The following ARHGEF12 variants were observed in gnomAD, a reference collection of about 807,000 sequenced individuals.
The protein encoded by ARHGEF12 is KMT2A/ARHGEF12 fusion protein.
In ARHGEF12, 66 loss-of-function variants were observed where a neutral mutation model predicts 211.2. That is an observed-to-expected ratio of 0.31 (90% CI 0.26 to 0.38). The LOEUF is 0.38. ARHGEF12 is among the 10% of genes least tolerant of loss of function. ARHGEF12 has a pLI of 1.00. For synonymous variants in ARHGEF12, 592 were observed against 638.4 expected, an observed-to-expected ratio of 0.93 and a Z score of 1.09; for missense variants, 1,429 against 1,869.5, an observed-to-expected ratio of 0.76 and a Z score of 4.34.
At position 120,451,736 on chromosome 11, in the gene ARHGEF12, C is replaced by G. The variant is rs775015364; in HGVS notation, c.2056+12C>G. On this transcript the variant is annotated intron_variant, in intron 22 of 40. Transcript: ENST00000397843. ...AGAGAATGATACAGGTGAGCTATTA[C>G]TGTAGTTCAGCTTAACTAAGCATCA... 35 of 1,607,406 alleles carry G rather than the reference C, an allele frequency of 2.2e-5. No homozygotes were observed. Among genetic ancestry groups the G allele is most frequent in the South Asian group, 1.0e-4 (9 of 90,388 alleles).
chr11:120,410,056 C>T (rs919105894), intron 4 of ARHGEF12: 2 of 152,070 alleles, frequency 1.3e-5, no homozygotes, highest in Non-Finnish European at 2.9e-5. Context: ...GAAGCTTAAT[C>T]GGAATGGGAA....
chr11:120,407,177 G>T (rs1247668935), intron 2 of ARHGEF12, among the ~76,000 whole-genome samples: 1 of 152,150 alleles, frequency 6.6e-6, no homozygotes. Flanking sequence ...ACCATTATCT[G>T]ATCAGTGTAA....
chr11:120,454,056 C>T (rs1946288980), intron 22 of ARHGEF12, among the ~76,000 whole-genome samples: 1 of 152,082 alleles, frequency 6.6e-6, no homozygotes, highest in African/African-American at 2.4e-5. Flanking sequence ...AGTCCCTCCG[C>T]AGTATTGATC....
Position 120,473,010 on chromosome 11 carries a change from C to T in ARHGEF12, c.2956-40C>T, listed in dbSNP as rs557330089. ...TCAGAAATAGAGAGGTCATTAATGA[C>T]CAAAGCACTAACCTTGGTTCCACCC... On this transcript the variant is annotated intron_variant, in intron 30 of 40. Transcript: ENST00000397843. The T allele has an allele frequency of 1.0e-5, 16 of 1,589,028 alleles. No individual in the cohort carries two copies. In the South Asian group the frequency reaches 1.5e-4, roughly 15 times the overall value.
chr11:120,351,218 G>A (rs1252462755), intron 1 of ARHGEF12, among the ~76,000 whole-genome samples: 1 of 149,896 alleles, frequency 6.7e-6, no homozygotes, highest in Non-Finnish European at 1.5e-5. Flanking sequence ...GGGTGTGGTA[G>A]CAGGCGCCTG....
intron 11 of ARHGEF12, among the ~76,000 whole-genome samples, chr11:120,432,653 T>A (rs1288118933): frequency 6.6e-6 from 1 of 152,152 alleles, no homozygotes; most frequent in Non-Finnish European, 1.5e-5. Context: ...ATTTCTTTTT[T>A]AAAAAAAGAA....
chr11:120,344,589 A>G (rs1367029301), intron 1 of ARHGEF12, among the ~76,000 whole-genome samples: 1 of 152,228 alleles, frequency 6.6e-6, no homozygotes, highest in East Asian at 1.9e-4. Flanking sequence ...TTGGTGGCAT[A>G]TGCACTGTCA....
rs1025919456 is a variant in ARHGEF12, at chr11:120,367,353, CTTTTTTTTTTTTTTT to C, written c.32+30094_32+30108del. Among the ~76,000 whole-genome samples, 17 of 59,354 alleles carry C rather than the reference CTTTTTTTTTTTTTTT, an allele frequency of 2.9e-4. No individual in the cohort carries two copies. The Admixed American group carries it at 3.9e-3, about 14-fold the overall frequency. 38.9% of individuals were successfully genotyped at this position (59,354 alleles called of 152,430 possible). ...AAAAAATCTGTTAGGATACTTTTTC[CTTTTTTTTTTTTTTT>C]TTTTTTTTTTTTTTTGAGGTGGAGT... On this transcript the variant is annotated intron_variant, in intron 1 of 40. Coordinates refer to ENST00000397843, the MANE Select transcript of ARHGEF12 (RefSeq NM_015313.3).
rs75416851 is a variant in ARHGEF12 at position 120,479,570 on chromosome 11, G to A, written c.3767-390G>A. Among the ~76,000 whole-genome samples the A allele has an allele frequency of 7.3e-3, 1,105 of 152,130 alleles. 16 individuals are homozygous for A. The highest frequency in any genetic ancestry group is 0.025 in the African/African-American group (1,028 of 41,518). ...GCAGAACTTTTTTTTAGCTTTTTCT[G>A]TCTAGCTTAACACAGCCTTTCAACA... On this transcript the variant is annotated intron_variant, in intron 37 of 40. Transcript: ENST00000397843.
rs184999109 is a variant in ARHGEF12 at position 120,345,245 on chromosome 11, C to G, written c.32+7970C>G. Among the ~76,000 whole-genome samples, 10 of 152,308 alleles carry G rather than the reference C, an allele frequency of 6.6e-5. No individual in the cohort carries two copies. In the East Asian group the frequency reaches 1.9e-3, roughly 29 times the overall value. ...GAAACTAAGAACCCATGACTGTATT[C>G]TCTCCCTTGAACAACTGTAACTAGA... On this transcript the variant is annotated intron_variant, in intron 1 of 40. Transcript: ENST00000397843.
intron 1 of ARHGEF12, among the ~76,000 whole-genome samples, chr11:120,387,589 G>A (rs550563227): frequency 6.6e-6 from 1 of 152,100 alleles, no homozygotes; most frequent in South Asian, 2.1e-4. Flanking sequence ...GAACACCTAC[G>A]AAACAATCAA....
At chr11:120,431,161 A>G (rs921660078) in intron 10 of ARHGEF12, among the ~76,000 whole-genome samples, 8 of 152,050 alleles carry the variant, frequency 5.3e-5, no homozygotes, top group African/African-American at 1.9e-4. Context: ...TTGGTGGTGC[A>G]TGCCTGTAAT....
intron 1 of ARHGEF12, among the ~76,000 whole-genome samples, chr11:120,370,630 T>G (rs1943563033): frequency 2.6e-5 from 4 of 152,178 alleles, no homozygotes; most frequent in Admixed American, 2.6e-4. Flanking sequence ...ATTCCAGATA[T>G]TCCCTTATGG....
At chr11:120,420,174 G>C (rs190334311) in intron 4 of ARHGEF12, among the ~76,000 whole-genome samples, 35 of 152,078 alleles carry the variant, frequency 2.3e-4, no homozygotes, top group African/African-American at 7.2e-4. Context: ...TATAAGCCAG[G>C]GTTTTTCTTC....
intron 30 of ARHGEF12, 101 bp from the exon 31 acceptor site, chr11:120,472,949 C>G (rs1022686670): frequency 3.8e-5 from 43 of 1,136,376 alleles, no homozygotes; most frequent in Admixed American, 2.8e-4. Flanking sequence ...GCCACCACGC[C>G]TGGCCAAAAT....
chr11:120,336,794 A>T lies in ARHGEF12; in HGVS notation c.-450A>T, dbSNP rs950767445. 1.3e-5 allele frequency: 4 copies of T among 298,346 alleles called. No individual in the cohort carries two copies. Among genetic ancestry groups the T allele is most frequent in the African/African-American group, 8.5e-5 (4 of 46,990 alleles). The allele number at this position is 298,346 out of a possible 1,614,324, so 18.5% of individuals were successfully genotyped here. On this transcript the variant is annotated 5_prime_UTR_variant, in exon 1 of 41. Coordinates refer to ENST00000397843, the MANE Select transcript of ARHGEF12 (RefSeq NM_015313.3). ...GGCCACGAGCAGCCGGCAGCCCCAG[A>T]TAGAGAGCCGGGAGGGAGGGCCCCG... is the stretch of plus-strand genomic sequence containing the variant.
intron 22 of ARHGEF12, 43 bp from the exon 23 acceptor site, chr11:120,457,075 A>G: frequency 6.3e-7 from 1 of 1,584,740 alleles, no homozygotes; most frequent in Non-Finnish European, 8.6e-7. Context: ...CAGTGACTTT[A>G]TTAAGTATTA....
intron 1 of ARHGEF12, among the ~76,000 whole-genome samples, chr11:120,404,718 A>G (rs1944647436): frequency 6.6e-6 from 1 of 152,194 alleles, no homozygotes; most frequent in Non-Finnish European, 1.5e-5. Flanking sequence ...AGGAGTTTTT[A>G]TAATGGCTGT....
chr11:120,475,504 A>G lies in ARHGEF12; in HGVS notation c.3274A>G (p.Thr1092Ala), dbSNP rs1390597927. Residue 1092 changes from threonine (T) to alanine (A), a missense_variant, in exon 33 of 41, where the codon ACA becomes GCA. By Grantham distance (58) the Thr-to-Ala change is moderately conservative (BLOSUM62 0). Transcript: ENST00000397843. Reference protein sequence around the residue: ...LSTVLVRQVATDNKALFVISM... With the variant: ...LSTVLVRQVAADNKALFVISM... ...TACAGTGTTGGTTCGACAAGTGGCA[A>G]CAGGCAAGTATGTCCACTGAAGGAT... 2 of 1,613,764 alleles carry G rather than the reference A, an allele frequency of 1.2e-6. No individual in the cohort carries two copies. Among genetic ancestry groups the G allele is most frequent in the East Asian group, 2.2e-5 (1 of 44,866 alleles).
Sources: allele counts gnomAD v4.1 joint callset (sites outside exome capture counted in the v4.1 genomes callset), GRCh38; gene constraint gnomAD v4.1.1; transcripts MANE v1.5; gene names NCBI Gene and HGNC (gene_info 2026-07-23, HGNC 2026-07-21).